PRMT7: variants seen among roughly 807,000 people sequenced by gnomAD.
PRMT7 encodes protein arginine methyltransferase 7, also known as protein arginine N-methyltransferase 7.
A neutral mutation model predicts 85.4 loss-of-function variants in PRMT7; 75 were observed. The ratio of observed to expected loss-of-function variants is 0.88; its 90% CI spans 0.73 to 1.06. The LOEUF is 1.06. PRMT7 is among the 50% of genes least tolerant of loss of function. The probability of loss-of-function intolerance (pLI) is 0.00; values close to 1 mark genes in which losing one functional copy is unlikely to be tolerated. For missense variants in PRMT7, 868 were observed against 915.2 expected (o/e 0.95, Z 0.67); for synonymous variants, 397 against 359.5 (o/e 1.10, Z -1.18).
intron 3 of PRMT7, among the ~76,000 whole-genome samples, chr16:68,317,666 A>G (rs1280480925): frequency 2.0e-5 from 3 of 152,036 alleles, no homozygotes; most frequent in Admixed American, 6.5e-5. Flanking sequence ...TGTCTCTACT[A>G]AAAATACAAA....
chr16:68,311,161 G>T, intron 1 of PRMT7, 62 bp downstream of exon 1: 1 of 631,372 alleles, frequency 1.6e-6, no homozygotes, highest in Non-Finnish European at 2.9e-6. Context: ...CAGCGAGCAT[G>T]GTGTCCTTGG....
intron 4 of PRMT7, among the ~76,000 whole-genome samples, chr16:68,323,205 T>A (rs938455504): frequency 5.7e-5 from 8 of 140,456 alleles, no homozygotes; most frequent in African/African-American, 2.2e-4. Context: ...TTCTTTTTTT[T>A]CTTTTTTCTT....
chr16:68,357,494 C>G lies in PRMT7; in HGVS notation c.*270C>G, dbSNP rs568031084. On this transcript the variant is annotated 3_prime_UTR_variant, in exon 19 of 19. Transcript: ENST00000441236. ...TTGTGCTTCTGAGGTGCTGAGAATG[C>G]TCCAACACAGAGACATCTCTCCCCA... The G allele has an allele frequency of 2.4e-5, 10 of 413,744 alleles. No individual in the cohort carries two copies. The highest frequency in any genetic ancestry group is 4.2e-5 in the Admixed American group (1 of 23,888). The allele number at this position is 413,744 out of a possible 1,614,324, so 25.6% of individuals were successfully genotyped here. A position where few individuals can be genotyped will look rare whatever the true frequency, so the allele number is the denominator to read the frequency against.
At chr16:68,342,852 A>G (rs1169801513) in intron 9 of PRMT7, among the ~76,000 whole-genome samples, 2 of 152,130 alleles carry the variant, frequency 1.3e-5, no homozygotes, top group African/African-American at 2.4e-5. Flanking sequence ...CAGAGTTGAG[A>G]TTGGCACCGC....
chr16:68,320,193 A>G (rs1351081861), intron 3 of PRMT7, among the ~76,000 whole-genome samples: 1 of 152,236 alleles, frequency 6.6e-6, no homozygotes, highest in Non-Finnish European at 1.5e-5. Flanking sequence ...TGTAGTGTAT[A>G]GCAAGATCAA....
At chr16:68,339,719 CTG>C in intron 8 of PRMT7, 67 bp from the exon 9 acceptor site, 1 of 1,580,224 alleles carries the variant, frequency 6.3e-7, no homozygotes. Context: ...AGTGAAGTCA[CTG>C]TAAAAGCTTA....
chr16:68,337,483 A>T lies in PRMT7; in HGVS notation c.416A>T (p.Asn139Ile). The change falls in exon 7 of 19, where the codon AAC (asparagine) becomes ATC (isoleucine). Residue 139 changes from asparagine (N) to isoleucine (I), a missense_variant. Asn to Ile is a moderately radical substitution (Grantham distance 149). Transcript: ENST00000441236. ...GAGGGTGACATGCCATGCCGTGCCA[A>T]CATCCTGGTCACAGAGTTGTTTGAC... ...GPEGDMPCRA[N>I]ILVTELFDTE... The T allele has an allele frequency of 6.2e-7, 1 of 1,611,142 alleles. No individual in the cohort carries two copies.
At chr16:68,324,390 C>T (rs952803180) in intron 4 of PRMT7, 1 of 412,546 alleles carries the variant, frequency 2.4e-6, no homozygotes, top group South Asian at 2.4e-5. Context: ...TCTTGGTCCC[C>T]CTTTTGGCTG....
intron 5 of PRMT7, among the ~76,000 whole-genome samples, chr16:68,327,328 C>T (rs2083249023): frequency 6.6e-6 from 1 of 152,204 alleles, no homozygotes; most frequent in Middle Eastern, 3.4e-3. Context: ...TGCTAGAGCT[C>T]TTGGGGCTGT....
At chr16:68,329,297 A>C (rs2083522270) in intron 6 of PRMT7, 123 bp downstream of exon 6, 2 of 654,396 alleles carry the variant, frequency 3.1e-6, no homozygotes, top group African/African-American at 1.8e-5. Flanking sequence ...CTCTGTGTGG[A>C]GCTCTGACAG....
intron 14 of PRMT7, among the ~76,000 whole-genome samples, chr16:68,350,082 T>C (rs2087058300): frequency 6.6e-6 from 1 of 152,224 alleles, no homozygotes; most frequent in African/African-American, 2.4e-5. Flanking sequence ...GTCTGGCTCC[T>C]TTCGCTGAGC....
At chr16:68,354,960 C>G (rs2088092659) in intron 16 of PRMT7, 1 of 152,646 alleles carries the variant, frequency 6.6e-6, no homozygotes, top group South Asian at 2.1e-4. Flanking sequence ...TCCTCCCTGG[C>G]AAGTCCTCCC....
At chr16:68,356,571 C>A in intron 17 of PRMT7, 130 bp from the exon 18 acceptor site, 1 of 692,100 alleles carries the variant, frequency 1.4e-6, no homozygotes, top group Non-Finnish European at 2.5e-6. Context: ...AACTGCAGCA[C>A]TAGGAACTCC....
Position 68,357,075 on chromosome 16 carries a change from C to T in PRMT7, c.1930C>T (p.His644Tyr). Reference sequence around the variant, plus strand: ...ACAGGGGGGCTGCTGCTGGAACCCCCACTGCAAGCAGGCCGTCTACTTCTT... The same window carrying T: ...ACAGGGGGGCTGCTGCTGGAACCCCTACTGCAAGCAGGCCGTCTACTTCTT... ...DPEGGCCWNP[H>Y]CKQAVYFFSP... The change falls in exon 19 of 19, where the codon CAC (histidine) becomes TAC (tyrosine). Residue 644 changes from histidine (H) to tyrosine (Y), a missense_variant. By Grantham distance (83) the His-to-Tyr change is moderately conservative. Coordinates refer to ENST00000441236, the MANE Select transcript of PRMT7 (RefSeq NM_019023.5). The T allele has an allele frequency of 1.9e-6, 3 of 1,610,780 alleles. No homozygotes were observed. Among genetic ancestry groups the T allele is most frequent in the Middle Eastern group, 3.3e-4 (2 of 6,052 alleles).
At position 68,337,316 on chromosome 16, in the gene PRMT7, C is replaced by T. The variant is rs1249777295; in HGVS notation, c.392-143C>T. The T allele has an allele frequency of 7.2e-6, 4 of 555,820 alleles. No individual in the cohort carries two copies. In the Admixed American group the frequency reaches 1.4e-4, roughly 20 times the overall value. 34.4% of individuals were successfully genotyped at this position (555,820 alleles called of 1,614,324 possible). ...GAACCATTGGCAAGTCAGTTGCAGA[C>T]ATCCTGACACTTCTGAATACCTCAG... is the stretch of plus-strand genomic sequence containing the variant. On this transcript the variant is annotated intron_variant, in intron 6 of 18. Transcript: ENST00000441236.
intron 7 of PRMT7, among the ~76,000 whole-genome samples, chr16:68,338,606 C>T (rs553738431): frequency 6.6e-6 from 1 of 152,130 alleles, no homozygotes; most frequent in South Asian, 2.1e-4. Context: ...GGAGTGAGTC[C>T]AGTTAGAGCA....
Position 68,352,271 on chromosome 16 carries a change from G to A in PRMT7, c.1437G>A (p.Pro479=), listed in dbSNP as rs777064430. The A allele has an allele frequency of 5.6e-6, 9 of 1,613,660 alleles. No homozygotes were observed. The highest frequency in any genetic ancestry group is 3.3e-5 in the Admixed American group (2 of 60,018). Residue 479 remains proline, a synonymous_variant, in exon 15 of 19, where the codon CCG becomes CCA. Transcript: ENST00000441236. ...AGGTCTCTCTCCTCCTGGGCGAGCC[G>A]TTCTTCACTACCAGCCTGCTGCCGT... The part of the protein sequence containing the change: ...GRKVSLLLGE[P]FFTTSLLPWH...
intron 15 of PRMT7, 194 bp from the exon 16 acceptor site, chr16:68,353,298 C>T: frequency 1.6e-6 from 2 of 1,270,646 alleles, no homozygotes; most frequent in East Asian, 5.9e-5. Flanking sequence ...GGTGTCACGT[C>T]AGAGCTTGCA....
At chr16:68,360,239 C>G (rs1297010001), downstream of PRMT7, 2 of 152,430 alleles carry the variant, frequency 1.3e-5, no homozygotes, top group Non-Finnish European at 2.9e-5. Flanking sequence ...AGAGGATTGG[C>G]AGAAAGAAGA....
Sources: gnomAD v4.1 joint callset for allele counts (sites outside exome capture counted in the v4.1 genomes callset) on GRCh38, gnomAD v4.1.1 for gene constraint, MANE v1.5 for transcripts, NCBI Gene and HGNC (gene_info 2026-07-23, HGNC 2026-07-21) for gene names.